Variants in SRCAP observed in about 807,000 individuals in gnomAD.
SRCAP encodes chromatin remodeling protein SRCAP.
Under a neutral mutation model 263.1 loss-of-function variants are expected in SRCAP, and 46 were observed. The observed-to-expected ratio is 0.17, with a 90% confidence interval of 0.14 to 0.22. SRCAP has a LOEUF of 0.22. Among genes scored for constraint, SRCAP ranks in the 10% least tolerant of loss-of-function variants. The pLI is 1.00. For synonymous variants in SRCAP, 1,813 were observed against 1,662.1 expected (o/e 1.09, Z -2.21); for missense variants, 3,695 against 4,181.9 (o/e 0.88, Z 3.21).
At position 30,738,904 on chromosome 16, in the gene SRCAP, C is replaced by T. The variant is rs1471977233; in HGVS notation, c.8864C>T (p.Ser2955Phe). Residue 2955 changes from serine (S) to phenylalanine (F), a missense_variant, in exon 34 of 34, where the codon TCC becomes TTC. By Grantham distance (155) the Ser-to-Phe change is radical. Around this residue, in one of 12 missense-constraint regions of SRCAP, gnomAD observed 1,207 missense variants for 1,142.9 expected, o/e 1.06. Coordinates refer to ENST00000262518, the MANE Select transcript of SRCAP (RefSeq NM_006662.3). ...ARDLPIPGTISSAGDGNSESR... is the reference protein window; with the variant it reads ...ARDLPIPGTIFSAGDGNSESR... ...GATTTGCCCATCCCTGGGACCATTT[C>T]CTCTGCAGGGGATGGCAACTCCGAA... The T allele has an allele frequency of 5.0e-6, 8 of 1,614,042 alleles. No individual in the cohort carries two copies. The highest frequency in any genetic ancestry group is 6.8e-6 in the Non-Finnish European group (8 of 1,180,026).
At position 30,740,590 on chromosome 16, in the gene SRCAP, C is replaced by G. The variant is rs778522390; in HGVS notation, c.*857C>G. The stretch of plus-strand genomic sequence containing the variant: ...CCTGGGCTCTTCACGTGGTGGCTGG[C>G]CACTCAACCCCACCCCTGGGCTTGG... On this transcript the variant is annotated 3_prime_UTR_variant, in exon 34 of 34. Coordinates refer to ENST00000262518, the MANE Select transcript of SRCAP (RefSeq NM_006662.3). 6.6e-6 allele frequency: 1 copy of G among 152,226 alleles called. No homozygotes were observed. The highest frequency in any genetic ancestry group is 1.5e-5 in the Non-Finnish European group (1 of 68,074). 9.4% of individuals were successfully genotyped at this position (152,226 alleles called of 1,614,324 possible). A position where few individuals can be genotyped will look rare whatever the true frequency, so the allele number is the denominator to read the frequency against.
intron 16 of SRCAP, among the ~76,000 whole-genome samples, chr16:30,715,521 C>T (rs891012597): frequency 2.2e-4 from 33 of 150,850 alleles, no homozygotes; most frequent in Non-Finnish European, 7.4e-5. Context: ...GCCAGGATTG[C>T]GCCACTGCAC....
rs1365106693 is a variant in SRCAP, at chr16:30,721,256, G to A, written c.3321G>A (p.Lys1107=). Residue 1107 remains lysine (K), a synonymous_variant, in exon 21 of 34, where the codon AAG becomes AAA. Transcript: ENST00000262518. ...CTCCCACGCCAACCTTGTCCCTAAA[G>A]CCAACACCACCTGCCCCAGTTCGCC... The part of the protein sequence containing the change: ...SRPPTPTLSL[K]PTPPAPVRLS... 5 of 1,613,858 alleles carry A rather than the reference G, an allele frequency of 3.1e-6. No individual in the cohort carries two copies. The highest frequency in any genetic ancestry group is 1.7e-5 in the Admixed American group (1 of 59,986).
At chr16:30,703,949 G>A in intron 3 of SRCAP, 115 bp from the exon 4 acceptor site, 1 of 1,281,328 alleles carries the variant, frequency 7.8e-7, no homozygotes, top group East Asian at 2.4e-5. Flanking sequence ...TGAAAATAAG[G>A]TTTATACCTT....
In SRCAP at chr16:30,713,418, C is replaced by T. The variant is rs766412896; in HGVS notation, c.2300+41C>T. The T allele has an allele frequency of 1.9e-6, 3 of 1,612,730 alleles. No individual in the cohort carries two copies. In the Admixed American group the frequency reaches 5.0e-5, roughly 27 times the overall value. On this transcript the variant is annotated intron_variant, in intron 15 of 33. Transcript: ENST00000262518. ...GGGATTCATGGGAGGGTTGACTTGGCTAGAAGGGAGGGCTGCCTGGGTTGA... is the reference window on the plus strand; with the variant it reads ...GGGATTCATGGGAGGGTTGACTTGGTTAGAAGGGAGGGCTGCCTGGGTTGA...
intron 25 of SRCAP, chr16:30,726,288 G>C (rs548713676): frequency 6.6e-6 from 1 of 152,234 alleles, no homozygotes; most frequent in East Asian, 1.9e-4. Context: ...TGTTACTTCT[G>C]CTTTATGGTT....
At chr16:30,703,772 C>T (rs1189965684) in intron 3 of SRCAP, among the ~76,000 whole-genome samples, 1 of 151,622 alleles carries the variant, frequency 6.6e-6, no homozygotes, top group Non-Finnish European at 1.5e-5. Context: ...TGGCGGGCGC[C>T]TGTAGTCCCA....
At chr16:30,728,619 C>T (rs113809606) in intron 25 of SRCAP, among the ~76,000 whole-genome samples, 1 of 152,140 alleles carries the variant, frequency 6.6e-6, no homozygotes, top group Non-Finnish European at 1.5e-5. Flanking sequence ...TAGGAAAATA[C>T]CCACAAATCG....
intron 4 of SRCAP, among the ~76,000 whole-genome samples, chr16:30,706,847 A>G (rs1396064647): frequency 6.6e-6 from 1 of 152,032 alleles, no homozygotes; most frequent in Non-Finnish European, 1.5e-5. Context: ...AGTCTCTCCT[A>G]TGTCTATGGG....
At chr16:30,699,702 C>T (rs1452339906) in intron 1 of SRCAP, among the ~76,000 whole-genome samples, 1 of 151,912 alleles carries the variant, frequency 6.6e-6, no homozygotes, top group African/African-American at 2.4e-5. Context: ...AATTTTTGAA[C>T]TTTCTTTCTT....
rs760069383 is a variant in SRCAP at position 30,710,025 on chromosome 16, T to C, written c.1031T>C (p.Leu344Ser). 1 of 1,614,098 alleles carries C rather than the reference T, an allele frequency of 6.2e-7. No homozygotes were observed. Among genetic ancestry groups the C allele is most frequent in the South Asian group, 1.1e-5 (1 of 91,084 alleles). The change falls in exon 8 of 34, where the codon TTG becomes TCG. Residue 344 changes from leucine to serine, a missense_variant. Physicochemically the swap from Leu to Ser is moderately radical, Grantham distance 145. Coordinates refer to ENST00000262518, the MANE Select transcript of SRCAP (RefSeq NM_006662.3). Reference protein sequence around the residue: ...ELLRSLPPQLLEGPSSPSQTP... With the variant: ...ELLRSLPPQLSEGPSSPSQTP... ...CTCCGTTCCCTTCCCCCTCAGCTGT[T>C]GGAAGGGCCTTCCAGCCCCTCTCAA...
At position 30,724,448 on chromosome 16, in the gene SRCAP, C is replaced by T. The variant is rs376226977; in HGVS notation, c.5024C>T (p.Pro1675Leu). Residue 1675 changes from proline to leucine, a missense_variant, in exon 25 of 34, where the codon CCG (proline) becomes CTG (leucine). Transcript: ENST00000262518. ...CCGGTTCCGTCACCTCTCCCGAGCC[C>T]GGCTTCTACGCAGACACTGGCCCTA... ...PAPVPSPLPS[P>L]ASTQTLALAP... 4.2e-5 allele frequency: 68 copies of T among 1,614,118 alleles called. No homozygotes were observed. The highest frequency in any genetic ancestry group is 3.3e-4 in the Middle Eastern group (2 of 6,084).
At chr16:30,718,192 G>T (rs954643709) in intron 18 of SRCAP, among the ~76,000 whole-genome samples, 7 of 151,670 alleles carry the variant, frequency 4.6e-5, no homozygotes, top group East Asian at 1.9e-4. Context: ...TTTTGGGTGG[G>T]GGGGGCAGAG....
chr16:30,703,127 G>T (rs935545973), intron 3 of SRCAP, among the ~76,000 whole-genome samples: 2 of 150,298 alleles, frequency 1.3e-5, no homozygotes, highest in Non-Finnish European at 2.9e-5. Context: ...GCTCTGAAAC[G>T]ATCAGAATTT....
rs2052838181 is a variant in SRCAP, at chr16:30,707,329, T to C, written c.453T>C (p.Phe151=). Residue 151 remains phenylalanine, a synonymous_variant, in exon 5 of 34, where the codon TTT becomes TTC. Coordinates refer to ENST00000262518, the MANE Select transcript of SRCAP (RefSeq NM_006662.3). ...AGATGCAGTGGCTCTCTGCTGACTT[T>C]GCTCAGGAGCGCCGTTGGAAACGGG... ...CEEMQWLSAD[F]AQERRWKRGV... The C allele has an allele frequency of 6.2e-7, 1 of 1,614,222 alleles. No individual in the cohort carries two copies. Among genetic ancestry groups the C allele is most frequent in the Non-Finnish European group, 8.5e-7 (1 of 1,180,046 alleles).
intron 31 of SRCAP, among the ~76,000 whole-genome samples, chr16:30,735,152 TTTTTTTTTTTTTGAGACGGAG>T (rs1260783208): frequency 7.0e-6 from 1 of 143,494 alleles, no homozygotes. Flanking sequence ...TTTTTTTTTT[TTTTTTTTTTTTTGAGACGGAG>T]TCTCGCTCTG....
At chr16:30,718,007 A>G (rs1865760355) in intron 18 of SRCAP, among the ~76,000 whole-genome samples, 1 of 150,400 alleles carries the variant, frequency 6.6e-6, no homozygotes, top group South Asian at 2.1e-4. Context: ...CTGGAACTAT[A>G]TGCGTGCACC....
chr16:30,731,492 T>C (rs1382808934), intron 27 of SRCAP, among the ~76,000 whole-genome samples: 1 of 152,198 alleles, frequency 6.6e-6, no homozygotes, highest in East Asian at 1.9e-4. Flanking sequence ...TTAATATGTG[T>C]TCAATAAATG....
intron 22 of SRCAP, 112 bp downstream of exon 22, chr16:30,722,398 G>A (rs1001743556): frequency 6.5e-7 from 1 of 1,527,930 alleles, no homozygotes; most frequent in South Asian, 1.3e-5. Context: ...CTTTTGGTGG[G>A]TGGGGCCAAC....
Sources: gnomAD v4.1 joint callset for allele counts (sites outside exome capture counted in the v4.1 genomes callset) on GRCh38, gnomAD v4.1.1 for gene constraint, gnomAD v4.1.1 regional missense constraint, MANE v1.5 for transcripts, NCBI Gene and HGNC (gene_info 2026-07-23, HGNC 2026-07-21) for gene names.